Variants in SLC36A3 observed in about 807,000 individuals in gnomAD.
The protein encoded by SLC36A3 is proton-coupled amino acid transporter 3.
In SLC36A3, 35 loss-of-function variants were observed where a neutral mutation model predicts 44.3. That is an observed-to-expected ratio of 0.79 (90% CI 0.60 to 1.05). SLC36A3 has a LOEUF of 1.05. SLC36A3 is among the 50% of genes least tolerant of loss of function. The pLI is 0.00. For missense variants in SLC36A3, 540 were observed against 578.7 expected (o/e 0.93, Z 0.69); for synonymous variants, 211 against 227.6 (o/e 0.93, Z 0.66).
At chr5:151,299,650 T>C (rs897976467) in intron 1 of SLC36A3, among the ~76,000 whole-genome samples, 1 of 152,110 alleles carries the variant, frequency 6.6e-6, no homozygotes, top group Non-Finnish European at 1.5e-5. Flanking sequence ...AAAAAGTACA[T>C]GCGTAAGCAT....
intron 9 of SLC36A3, among the ~76,000 whole-genome samples, chr5:151,278,782 C>T (rs1754199866): frequency 6.6e-6 from 1 of 152,228 alleles, no homozygotes; most frequent in South Asian, 2.1e-4. Context: ...CTGTCCACAG[C>T]TTTCCTTCAT....
chr5:151,284,354 C>A, intron 7 of SLC36A3, 144 bp from the exon 8 acceptor site: 1 of 810,926 alleles, frequency 1.2e-6, no homozygotes, highest in African/African-American at 1.7e-5. Flanking sequence ...GGCCACACTC[C>A]TTTCATTTTC....
chr5:151,289,469 C>T (rs561532147), intron 4 of SLC36A3, among the ~76,000 whole-genome samples: 92 of 150,546 alleles, frequency 6.1e-4, no homozygotes, highest in African/African-American at 2.2e-3. Flanking sequence ...ACACTCTAGC[C>T]TGAGAAACAG....
At position 151,281,003 on chromosome 5, in the gene SLC36A3, A is replaced by T; in HGVS notation, c.1144+11T>A. The T allele has an allele frequency of 1.2e-6, 2 of 1,613,980 alleles. No homozygotes were observed. The highest frequency in any genetic ancestry group is 1.7e-6 in the Non-Finnish European group (2 of 1,179,928). Reference sequence around the variant, plus strand: ...AGCTTTGGGTAAAGAGTGCCCTTTTATGCTACTCACAGGTTAGACAGACCA... The same window carrying T: ...AGCTTTGGGTAAAGAGTGCCCTTTTTTGCTACTCACAGGTTAGACAGACCA... On this transcript the variant is annotated intron_variant, in intron 9 of 9. Transcript: ENST00000335230.
At chr5:151,293,306 T>G in intron 4 of SLC36A3, 58 bp downstream of exon 4, 1 of 1,432,622 alleles carries the variant, frequency 7.0e-7, no homozygotes, top group Non-Finnish European at 9.6e-7. Context: ...TAAGTAGAAA[T>G]AAAGAAAAGT....
At chr5:151,296,531 T>G (rs1754965995) in intron 2 of SLC36A3, 1 of 512,528 alleles carries the variant, frequency 2.0e-6, no homozygotes, top group South Asian at 2.6e-5. Context: ...ATGCATTTTC[T>G]CATTTTCCTT....
At chr5:151,290,831 C>T (rs1416773454) in intron 4 of SLC36A3, among the ~76,000 whole-genome samples, 1 of 151,950 alleles carries the variant, frequency 6.6e-6, no homozygotes, top group Non-Finnish European at 1.5e-5. Flanking sequence ...GGAGGTGGAG[C>T]TTGCAGTGAG....
chr5:151,302,937 G>C (rs1036709982), intron 1 of SLC36A3, among the ~76,000 whole-genome samples: 10 of 152,046 alleles, frequency 6.6e-5, no homozygotes, highest in Non-Finnish European at 1.5e-4. Context: ...GAAAGAAAGG[G>C]AGGAAGGAAA....
At position 151,287,324 on chromosome 5, in the gene SLC36A3, C is replaced by T; in HGVS notation, c.630G>A (p.Lys210=). The change falls in exon 6 of 10, where the codon AAG becomes AAA. Residue 210 remains lysine (K), a synonymous_variant. Transcript: ENST00000335230. ...LILLVFIQNL[K]VLSVFSTLAN... ...CCAATGTCGAGAAGACGGACAGCAC[C>T]TTGAGGTTCTGGATAAACACCAACA... is the stretch of plus-strand genomic sequence containing the variant. The T allele has an allele frequency of 6.2e-7, 1 of 1,614,124 alleles. No individual in the cohort carries two copies. The highest frequency in any genetic ancestry group is 1.3e-5 in the African/African-American group (1 of 75,026).
rs1344654310 is a variant in SLC36A3 at position 151,277,508 on chromosome 5, A to T, written c.1298T>A (p.Ile433Asn). The T allele has an allele frequency of 6.2e-7, 1 of 1,614,086 alleles. No individual in the cohort carries two copies. Among genetic ancestry groups the T allele is most frequent in the Non-Finnish European group, 8.5e-7 (1 of 1,180,044 alleles). The stretch of plus-strand genomic sequence containing the variant: ...TAAAAGGCCCACGATGCTAATCATG[A>T]TGTCCTTGGCAATGGTGACACAGCT... ...DMSCVTIAKD[I>N]MISIVGLLGC... The change falls in exon 10 of 10, where the codon ATC (isoleucine) becomes AAC (asparagine). Residue 433 changes from isoleucine to asparagine, a missense_variant. Transcript: ENST00000335230.
intron 8 of SLC36A3, among the ~76,000 whole-genome samples, chr5:151,282,446 G>A (rs1170542329): frequency 6.6e-6 from 1 of 152,078 alleles, no homozygotes; most frequent in African/African-American, 2.4e-5. Context: ...GGGATTATAG[G>A]CATGAGCCAC....
Position 151,277,336 on chromosome 5 carries a change from A to G in SLC36A3, c.*57T>C, listed in dbSNP as rs74553332. On this transcript the variant is annotated 3_prime_UTR_variant, in exon 10 of 10. Coordinates refer to ENST00000335230, the MANE Select transcript of SLC36A3 (RefSeq NM_181774.4). ...TTTGATGAAGGTATATAACATCCAC[A>G]TGGAAGTCAAACTGGGGATGGGAGG... 35,182 of 1,597,530 alleles carry G rather than the reference A, an allele frequency of 0.022. 3,131 individuals are homozygous for G. The African/African-American group carries it at 0.26, about 12-fold the overall frequency.
intron 9 of SLC36A3, 141 bp downstream of exon 9, chr5:151,280,865 TCACGTGGA>T: frequency 1.0e-5 from 8 of 782,990 alleles, no homozygotes; most frequent in Admixed American, 2.9e-5. Flanking sequence ...CCCTTTTTTT[TCACGTGGA>T]AAAATTGAGG....
intron 9 of SLC36A3, among the ~76,000 whole-genome samples, chr5:151,277,877 A>G (rs1006185964): frequency 1.3e-5 from 2 of 152,062 alleles, no homozygotes; most frequent in South Asian, 2.1e-4. Flanking sequence ...TTTTTTTTAC[A>G]TATAATCTTT....
At chr5:151,284,761 A>C (rs755140807) in intron 6 of SLC36A3, 50 bp from the exon 7 acceptor site, 1 of 1,458,592 alleles carries the variant, frequency 6.9e-7, no homozygotes, top group South Asian at 1.2e-5. Flanking sequence ...TGTCGAAGTC[A>C]TCCCAAATCT....
chr5:151,279,631 G>A (rs1414477518), intron 9 of SLC36A3, among the ~76,000 whole-genome samples: 2 of 152,212 alleles, frequency 1.3e-5, no homozygotes, highest in Admixed American at 6.5e-5. Flanking sequence ...ACCCTTCCTA[G>A]TAGGAATGAT....
At position 151,298,299 on chromosome 5, in the gene SLC36A3, C is replaced by A; in HGVS notation, c.219+294G>T. 2 of 304,518 alleles carry A rather than the reference C, an allele frequency of 6.6e-6. 1 individual carries two copies. Among genetic ancestry groups the A allele is most frequent in the Non-Finnish European group, 1.2e-5 (2 of 163,426 alleles). 18.9% of individuals were successfully genotyped at this position (304,518 alleles called of 1,614,324 possible). On this transcript the variant is annotated intron_variant, in intron 2 of 9. Coordinates refer to ENST00000335230, the MANE Select transcript of SLC36A3 (RefSeq NM_181774.4). ...GCCTGCAGGGATTGGGCTGTTAATGCAAATGACGAAATGAGCTGCATGTGA... is the reference window on the plus strand; with the variant it reads ...GCCTGCAGGGATTGGGCTGTTAATGAAAATGACGAAATGAGCTGCATGTGA...
At chr5:151,284,495 C>G in intron 7 of SLC36A3, 118 bp downstream of exon 7, 4 of 809,554 alleles carry the variant, frequency 4.9e-6, no homozygotes, top group Non-Finnish European at 7.7e-6. Context: ...TTCCCTTCAC[C>G]AGGAGAAGAT....
In SLC36A3 at chr5:151,303,162, T is replaced by C. The variant is rs1755222815; in HGVS notation, c.128+65A>G. On this transcript the variant is annotated intron_variant, in intron 1 of 9. Transcript: ENST00000335230. ...TTAAGGAGATAGATGAAGGAAGACA[T>C]AGTCCAGAGTTGCAAAAACAGCAGT... The C allele has an allele frequency of 1.9e-6, 3 of 1,546,616 alleles. No individual in the cohort carries two copies. The Admixed American group carries it at 5.7e-5, about 29-fold the overall frequency.
Sources: gnomAD v4.1 joint callset for allele counts (sites outside exome capture counted in the v4.1 genomes callset) on GRCh38, gnomAD v4.1.1 for gene constraint, MANE v1.5 for transcripts, NCBI Gene and HGNC (gene_info 2026-07-23, HGNC 2026-07-21) for gene names.